The following HMGA1 variants were observed in gnomAD, a reference collection of about 807,000 sequenced individuals.
The protein encoded by HMGA1 is high mobility group protein HMG-I/HMG-Y.
Under a neutral mutation model 15.1 loss-of-function variants are expected in HMGA1, and 1 was observed. The observed-to-expected ratio is 0.07, with a 90% CI of 0.02 to 0.31. The LOEUF (loss-of-function observed/expected upper bound fraction) is 0.31. Ranked by LOEUF, HMGA1 falls within the 10% of genes least tolerant of loss-of-function variation. HMGA1 has a pLI of 1.00. For synonymous variants in HMGA1, 56 were observed against 54.8 expected (o/e 1.02, Z -0.10); for missense variants, 94 against 141.4 (o/e 0.66, Z 1.70).
At chr6:34,242,903 C>A (rs1312769854) in intron 4 of HMGA1, 108 bp downstream of exon 4, 1 of 785,736 alleles carries the variant, frequency 1.3e-6, no homozygotes, top group Non-Finnish European at 2.2e-6. Context: ...TCAGTCATCT[C>A]AGTTGTGTAC....
rs2127548056 is a variant in HMGA1 at position 34,244,920 on chromosome 6, G to A, written c.*36G>A. 1 of 1,550,294 alleles carries A rather than the reference G, an allele frequency of 6.5e-7. No individual in the cohort carries two copies. Among genetic ancestry groups the A allele is most frequent in the Non-Finnish European group, 8.7e-7 (1 of 1,146,874 alleles). On this transcript the variant is annotated 3_prime_UTR_variant, in exon 6 of 6. Transcript: ENST00000311487. ...CCGCCTGCTCCTCACTGGAGGAGCA[G>A]CTTCCTTCTGGGACTGGACAGCTTT...
Position 34,245,503 on chromosome 6 carries a change from G to T in HMGA1, c.*619G>T, listed in dbSNP as rs372626790. 8.4e-5 allele frequency: 116 copies of T among 1,382,772 alleles called. No individual in the cohort carries two copies. In the East Asian group the frequency reaches 3.1e-3, roughly 37 times the overall value. The allele number at this position is 1,382,772 out of a possible 1,614,324, so 85.7% of individuals were successfully genotyped here. A position where few individuals can be genotyped will look rare whatever the true frequency, so the allele number is the denominator to read the frequency against. On this transcript the variant is annotated 3_prime_UTR_variant, in exon 6 of 6. Transcript: ENST00000311487. ...ACTTCCCTAGTCCCCGTACTAGGTT[G>T]GACAGCCCCCTTCGGTTACAGGAAG... is the stretch of plus-strand genomic sequence containing the variant.
At position 34,246,209 on chromosome 6, in the gene HMGA1, T is replaced by TA. The variant is rs931062273; in HGVS notation, c.*1333dup. On this transcript the variant is annotated 3_prime_UTR_variant, in exon 6 of 6. Coordinates refer to ENST00000311487, the MANE Select transcript of HMGA1 (RefSeq NM_145899.3). ...GGTTTCCTATTTGCAGTTACTTGAA[T>TA]AAAAAAAATATCCTTTTCTGGACTG... 4.2e-5 allele frequency: 12 copies of TA among 288,822 alleles called. No individual in the cohort carries two copies. Among genetic ancestry groups the TA allele is most frequent in the South Asian group, 2.4e-4 (2 of 8,374 alleles). 17.9% of individuals were successfully genotyped at this position (288,822 alleles called of 1,614,324 possible).
In HMGA1 at chr6:34,244,896, C is replaced by T. The variant is rs1264855109; in HGVS notation, c.*12C>T. On this transcript the variant is annotated 3_prime_UTR_variant, in exon 6 of 6. Coordinates refer to ENST00000311487, the MANE Select transcript of HMGA1 (RefSeq NM_145899.3). ...AGGAGGAGCAGTGACCCATGCGTGC[C>T]GCCTGCTCCTCACTGGAGGAGCAGC... 12 of 1,554,728 alleles carry T rather than the reference C, an allele frequency of 7.7e-6. No individual in the cohort carries two copies. Among genetic ancestry groups the T allele is most frequent in the African/African-American group, 1.4e-5 (1 of 73,422 alleles).
intron 2 of HMGA1, among the ~76,000 whole-genome samples, chr6:34,237,567 G>A (rs1314886148): frequency 1.4e-5 from 2 of 145,888 alleles, no homozygotes; most frequent in African/African-American, 4.9e-5. Context: ...GGGGGGCGGG[G>A]ACCCGGGAAA....
intron 2 of HMGA1, among the ~76,000 whole-genome samples, chr6:34,238,403 T>G (rs1035347380): frequency 1.3e-5 from 2 of 152,140 alleles, no homozygotes; most frequent in Non-Finnish European, 2.9e-5. Flanking sequence ...AGTGTCGGGT[T>G]GAAAGGGTCT....
intron 2 of HMGA1, among the ~76,000 whole-genome samples, chr6:34,239,200 G>A (rs900795061): frequency 7.9e-5 from 12 of 151,996 alleles, no homozygotes; most frequent in Admixed American, 3.9e-4. Context: ...GAGGTCCTGG[G>A]CCCTCTAGAA....
Position 34,246,075 on chromosome 6 carries a change from G to A in HMGA1, c.*1191G>A, listed in dbSNP as rs2127549836. 1 of 249,642 alleles carries A rather than the reference G, an allele frequency of 4.0e-6. No homozygotes were observed. The highest frequency in any genetic ancestry group is 6.3e-5 in the East Asian group (1 of 15,824). The allele number at this position is 249,642 out of a possible 1,614,324, so 15.5% of individuals were successfully genotyped here. A position where few individuals can be genotyped will look rare whatever the true frequency, so the allele number is the denominator to read the frequency against. Reference sequence around the variant, plus strand: ...CCTGCCCCTAGGATGCTGCAGCAGAGTGAGCAAGGGGGCCCAAATCGACCA... The same window carrying A: ...CCTGCCCCTAGGATGCTGCAGCAGAATGAGCAAGGGGGCCCAAATCGACCA... On this transcript the variant is annotated 3_prime_UTR_variant, in exon 6 of 6. Transcript: ENST00000311487.
chr6:34,245,041 A>C lies in HMGA1; in HGVS notation c.*157A>C. The C allele has an allele frequency of 6.5e-7, 1 of 1,531,180 alleles. No individual in the cohort carries two copies. Among genetic ancestry groups the C allele is most frequent in the South Asian group, 1.2e-5 (1 of 82,806 alleles). 94.8% of individuals were successfully genotyped at this position (1,531,180 alleles called of 1,614,324 possible). ...CTTCCACCTGTGCCCTCACCACCAC[A>C]CTACACAGCACACCAGCCGCTGCAG... is the stretch of plus-strand genomic sequence containing the variant. On this transcript the variant is annotated 3_prime_UTR_variant, in exon 6 of 6. Coordinates refer to ENST00000311487, the MANE Select transcript of HMGA1 (RefSeq NM_145899.3).
intron 3 of HMGA1, 38 bp from the exon 4 acceptor site, chr6:34,242,674 G>T: frequency 7.1e-7 from 1 of 1,412,718 alleles, no homozygotes; most frequent in Non-Finnish European, 9.8e-7. Context: ...GTGGAAACAG[G>T]TGATGACTGT....
chr6:34,237,933 C>G (rs1320854637), intron 2 of HMGA1, among the ~76,000 whole-genome samples: 2 of 152,178 alleles, frequency 1.3e-5, no homozygotes, highest in Non-Finnish European at 2.9e-5. Context: ...TCTGGCCTGG[C>G]CCGCGCCTCT....
intron 3 of HMGA1, 119 bp from the exon 4 acceptor site, chr6:34,242,593 A>G: frequency 1.4e-6 from 1 of 733,354 alleles, no homozygotes; most frequent in Non-Finnish European, 2.4e-6. Flanking sequence ...TAGGTCAGGG[A>G]TGGTTTGTGG....
Position 34,245,516 on chromosome 6 carries a change from C to T in HMGA1, c.*632C>T, listed in dbSNP as rs1490521966. ...CCGTACTAGGTTGGACAGCCCCCTT[C>T]GGTTACAGGAAGGCAGGAGGGGTGA... is the stretch of plus-strand genomic sequence containing the variant. On this transcript the variant is annotated 3_prime_UTR_variant, in exon 6 of 6. Transcript: ENST00000311487. The T allele has an allele frequency of 3.3e-5, 46 of 1,382,690 alleles. 1 individual carries two copies. Among genetic ancestry groups the T allele is most frequent in the African/African-American group, 1.3e-4 (9 of 69,782 alleles). The allele number at this position is 1,382,690 out of a possible 1,614,324, so 85.7% of individuals were successfully genotyped here.
rs1339209437 is a variant in HMGA1, at chr6:34,244,872, G to A, written c.312G>A (p.Glu104=). 2.6e-6 allele frequency: 4 copies of A among 1,563,412 alleles called. No homozygotes were observed. In the South Asian group the frequency reaches 3.5e-5, roughly 14 times the overall value. ...EEEGISQESS[E]EEQ The stretch of plus-strand genomic sequence containing the variant: ...AGGGCATCTCGCAGGAGTCCTCGGA[G>A]GAGGAGCAGTGACCCATGCGTGCCG... Residue 104 remains glutamate (E), a synonymous_variant, in exon 6 of 6, where the codon GAG becomes GAA. Coordinates refer to ENST00000311487, the MANE Select transcript of HMGA1 (RefSeq NM_145899.3).
rs752955515 is a variant in HMGA1, at chr6:34,240,818, C to T, written c.38C>T (p.Ala13Val). The T allele has an allele frequency of 6.2e-7, 1 of 1,612,924 alleles. No homozygotes were observed. ...AGCTCGAAGTCCAGCCAGCCCTTGG[C>T]CTCCAAGCAGGAAAAGGACGGCACT... ...ESSSKSSQPL[A>V]SKQEKDGTEK... The change falls in exon 3 of 6, where the codon GCC (alanine) becomes GTC (valine). Residue 13 changes from alanine to valine, a missense_variant. Transcript: ENST00000311487.
At chr6:34,239,038 C>T (rs900680465) in intron 2 of HMGA1, 1 of 152,124 alleles carries the variant, frequency 6.6e-6, no homozygotes, top group African/African-American at 2.4e-5. Flanking sequence ...CTAATCACTG[C>T]CTGTAATTGC....
chr6:34,243,099 C>T (rs1171759676), intron 4 of HMGA1, among the ~76,000 whole-genome samples: 1 of 152,140 alleles, frequency 6.6e-6, no homozygotes, highest in Non-Finnish European at 1.5e-5. Flanking sequence ...CTGCCAGTCC[C>T]TGGGCTGAGA....
chr6:34,241,374 T>C (rs1762295990), intron 3 of HMGA1, among the ~76,000 whole-genome samples: 1 of 152,218 alleles, frequency 6.6e-6, no homozygotes, highest in Admixed American at 6.5e-5. Flanking sequence ...GCTGAATACT[T>C]ATGGTCGATT....
In HMGA1 at chr6:34,245,359, C is replaced by T. The variant is rs1762660610; in HGVS notation, c.*475C>T. 3.7e-6 allele frequency: 5 copies of T among 1,359,602 alleles called. No homozygotes were observed. The highest frequency in any genetic ancestry group is 6.8e-5 in the East Asian group (2 of 29,260). 84.2% of individuals were successfully genotyped at this position (1,359,602 alleles called of 1,614,324 possible). A position where few individuals can be genotyped will look rare whatever the true frequency, so the allele number is the denominator to read the frequency against. ...CAAGCCCCATCTCATCCTGGCACGC[C>T]CTACTCCACTGCCCTGGCAGCAGCA... On this transcript the variant is annotated 3_prime_UTR_variant, in exon 6 of 6. Transcript: ENST00000311487.
Sources: allele counts gnomAD v4.1 joint callset (sites outside exome capture counted in the v4.1 genomes callset), GRCh38; gene constraint gnomAD v4.1.1; transcripts MANE v1.5; gene names NCBI Gene and HGNC (gene_info 2026-07-23, HGNC 2026-07-21).